PRKD1: variants seen among roughly 807,000 people sequenced by gnomAD.
The protein encoded by PRKD1 is serine/threonine-protein kinase D1.
Under a neutral mutation model 95.9 loss-of-function variants are expected in PRKD1, and 63 were observed. That is an observed-to-expected ratio of 0.66 (90% CI 0.54 to 0.81). The LOEUF (loss-of-function observed/expected upper bound fraction) is 0.81. Ranked by LOEUF, PRKD1 falls within the 30% of genes least tolerant of loss-of-function variation. PRKD1 has a pLI of 0.00. For missense variants in PRKD1, 1,048 were observed against 1,165.3 expected (o/e 0.90, Z 1.47); for synonymous variants, 425 against 423.1 (o/e 1.00, Z -0.05).
At chr14:29,718,434 G>A (rs945298690) in intron 2 of PRKD1, among the ~76,000 whole-genome samples, 2 of 152,052 alleles carry the variant, frequency 1.3e-5, no homozygotes, top group Admixed American at 6.6e-5. Context: ...AGTCAATTAA[G>A]CATCTTTTCT....
chr14:29,718,486 T>C (rs1214382736), intron 2 of PRKD1, among the ~76,000 whole-genome samples: 1 of 152,100 alleles, frequency 6.6e-6, no homozygotes, highest in Non-Finnish European at 1.5e-5. Flanking sequence ...TATAGCAGTG[T>C]GAAAATGGAC....
chr14:29,756,712 T>A (rs556239829), intron 1 of PRKD1, among the ~76,000 whole-genome samples: 13 of 152,248 alleles, frequency 8.5e-5, no homozygotes, highest in African/African-American at 3.1e-4. Context: ...TGCTACACAA[T>A]CAGAAAGTTC....
chr14:29,611,874 G>A (rs904815576), intron 13 of PRKD1, among the ~76,000 whole-genome samples: 5 of 151,946 alleles, frequency 3.3e-5, no homozygotes, highest in Non-Finnish European at 1.5e-5. Flanking sequence ...GAAGACATAT[G>A]GAAAACTTTT....
At chr14:29,633,541 A>G (rs941655359) in intron 8 of PRKD1, among the ~76,000 whole-genome samples, 6 of 152,146 alleles carry the variant, frequency 3.9e-5, no homozygotes, top group Non-Finnish European at 8.8e-5. Flanking sequence ...AGATCTAACC[A>G]CTATGATTTG....
At chr14:29,587,130 G>T (rs1029063921) in intron 16 of PRKD1, among the ~76,000 whole-genome samples, 1 of 152,100 alleles carries the variant, frequency 6.6e-6, no homozygotes, top group African/African-American at 2.4e-5. Flanking sequence ...ATTTGGAAAG[G>T]GATTGGGTTT....
intron 1 of PRKD1, among the ~76,000 whole-genome samples, chr14:29,789,708 C>T (rs972944619): frequency 2.0e-5 from 3 of 152,124 alleles, no homozygotes; most frequent in South Asian, 4.1e-4. Flanking sequence ...CACCCCTAGA[C>T]ACCATGCATG....
chr14:29,786,808 C>T (rs1037906057), intron 1 of PRKD1, among the ~76,000 whole-genome samples: 1 of 151,360 alleles, frequency 6.6e-6, no homozygotes. Context: ...TTTGTTGATT[C>T]TTGTTTTTTA....
At chr14:29,844,374 G>A (rs984669908) in intron 1 of PRKD1, among the ~76,000 whole-genome samples, 1 of 152,050 alleles carries the variant, frequency 6.6e-6, no homozygotes, top group Non-Finnish European at 1.5e-5. Flanking sequence ...ATATTGCTAG[G>A]ATAGATTTTA....
chr14:29,798,260 AG>A (rs1253336053), intron 1 of PRKD1, among the ~76,000 whole-genome samples: 1 of 152,206 alleles, frequency 6.6e-6, no homozygotes, highest in Non-Finnish European at 1.5e-5. Context: ...AGTTCCACGC[AG>A]TTCCACCCAC....
intron 16 of PRKD1, among the ~76,000 whole-genome samples, chr14:29,586,909 G>T (rs1174927485): frequency 6.6e-6 from 1 of 152,174 alleles, no homozygotes; most frequent in African/African-American, 2.4e-5. Context: ...ACAGGTGTGA[G>T]CCACCGTGCC....
rs146238106 is a variant in PRKD1 at position 29,630,822 on chromosome 14, A to G, written c.1592T>C (p.Met531Thr). Residue 531 changes from methionine to threonine, a missense_variant, in exon 10 of 18, where the codon ATG becomes ACG. By Grantham distance (81) the Met-to-Thr change is moderately conservative. This residue lies in a region of PRKD1 where 739 missense variants were observed against 861.9 expected (regional missense o/e 0.86). Transcript: ENST00000331968. ...GGCATGCTGGATGGCTATCTCCCAC[A>G]TCCTGGCCACATCTGCACCAACGCC... Reference protein sequence around the residue: ...TSGVGADVARMWEIAIQHALM... With the variant: ...TSGVGADVARTWEIAIQHALM... 413 of 1,614,092 alleles carry G rather than the reference A, an allele frequency of 2.6e-4. No individual in the cohort carries two copies. The highest frequency in any genetic ancestry group is 3.3e-4 in the Non-Finnish European group (395 of 1,179,984).
At chr14:29,893,869 A>T (rs1479631027) in intron 1 of PRKD1, among the ~76,000 whole-genome samples, 2 of 152,204 alleles carry the variant, frequency 1.3e-5, no homozygotes, top group Non-Finnish European at 2.9e-5. Context: ...TTAATTTCTG[A>T]ATGCATTCAC....
intron 1 of PRKD1, among the ~76,000 whole-genome samples, chr14:29,814,826 A>C (rs780685028): frequency 2.0e-5 from 3 of 152,212 alleles, no homozygotes. Context: ...TATTTTATGC[A>C]ATTTAATTAG....
At chr14:29,740,842 T>C (rs1363028946) in intron 1 of PRKD1, among the ~76,000 whole-genome samples, 4 of 152,116 alleles carry the variant, frequency 2.6e-5, no homozygotes, top group Non-Finnish European at 5.9e-5. Flanking sequence ...AGCAAAAACA[T>C]GGAATCAACC....
chr14:29,591,537 G>A (rs1893130483), intron 16 of PRKD1, among the ~76,000 whole-genome samples: 1 of 152,068 alleles, frequency 6.6e-6, no homozygotes, highest in Non-Finnish European at 1.5e-5. Context: ...AGGGGGTAGA[G>A]CCTGGGAACT....
At chr14:29,626,437 C>T (rs1454822207) in intron 12 of PRKD1, 47 bp downstream of exon 12, 1 of 1,456,308 alleles carries the variant, frequency 6.9e-7, no homozygotes, top group Admixed American at 1.7e-5. Flanking sequence ...TAAAATATAA[C>T]TAGCAAAAAT....
At chr14:29,586,154 A>T (rs1021502390) in intron 16 of PRKD1, among the ~76,000 whole-genome samples, 2 of 152,178 alleles carry the variant, frequency 1.3e-5, no homozygotes, top group African/African-American at 4.8e-5. Context: ...AAACTGGCTT[A>T]ATATTGCCCA....
intron 1 of PRKD1, among the ~76,000 whole-genome samples, chr14:29,727,878 G>A (rs1418391070): frequency 6.6e-6 from 1 of 151,406 alleles, no homozygotes; most frequent in African/African-American, 2.4e-5. Flanking sequence ...GATGAAATTG[G>A]AAATCATCAT....
At chr14:29,758,134 G>A (rs1485751090) in intron 1 of PRKD1, among the ~76,000 whole-genome samples, 2 of 150,304 alleles carry the variant, frequency 1.3e-5, no homozygotes, top group Non-Finnish European at 3.0e-5. Context: ...TCCTAACGGA[G>A]TAAATAAAAA....
Sources: allele counts gnomAD v4.1 joint callset (sites outside exome capture counted in the v4.1 genomes callset), GRCh38; gene constraint gnomAD v4.1.1; regional missense constraint gnomAD v4.1.1; transcripts MANE v1.5; gene names NCBI Gene and HGNC (gene_info 2026-07-23, HGNC 2026-07-21).